The following MEIS1 variants were observed in gnomAD, a reference collection of about 807,000 sequenced individuals.
The protein encoded by MEIS1 is homeobox protein Meis1.
Under a neutral mutation model 50.8 loss-of-function variants are expected in MEIS1, and 5 were observed. The observed-to-expected ratio is 0.10, with a 90% CI of 0.05 to 0.21. MEIS1 has a LOEUF of 0.21. MEIS1 is among the 10% of genes least tolerant of loss of function. The pLI is 1.00. For missense variants in MEIS1, 318 were observed against 517.3 expected (o/e 0.61, Z 3.74); for synonymous variants, 176 against 179.3 (o/e 0.98, Z 0.15).
intron 7 of MEIS1, among the ~76,000 whole-genome samples, chr2:66,472,044 T>C (rs1464292111): frequency 6.6e-6 from 1 of 152,232 alleles, no homozygotes; most frequent in African/African-American, 2.4e-5. Flanking sequence ...CATTCTCTTA[T>C]CCTTTCTCAC....
chr2:66,549,950 G>A (rs1674879678), intron 9 of MEIS1, among the ~76,000 whole-genome samples: 1 of 152,098 alleles, frequency 6.6e-6, no homozygotes, highest in Non-Finnish European at 1.5e-5. Flanking sequence ...TATACACACA[G>A]TTTTCTAAAT....
chr2:66,520,836 C>T (rs1438714882), intron 8 of MEIS1, among the ~76,000 whole-genome samples: 3 of 152,164 alleles, frequency 2.0e-5, no homozygotes, highest in Non-Finnish European at 2.9e-5. Context: ...AGATCAAAAG[C>T]GAGGAACTGG....
At chr2:66,438,020 T>TTACCAAGGGCACAGAGAA in intron 2 of MEIS1, 57 bp downstream of exon 2, 1 of 1,412,958 alleles carries the variant, frequency 7.1e-7, no homozygotes, top group Non-Finnish European at 9.6e-7. Flanking sequence ...CCTCTTTCTC[T>TTACCAAGGGCACAGAGAA]GTGCCCTTGG....
chr2:66,456,444 C>CA (rs374018735), intron 6 of MEIS1, among the ~76,000 whole-genome samples: 4 of 152,256 alleles, frequency 2.6e-5, no homozygotes, highest in Non-Finnish European at 2.9e-5. Context: ...TAAAAGTTCA[C>CA]AATGGCAAAT....
chr2:66,442,940 T>C lies in MEIS1; in HGVS notation c.522T>C (p.Ile174=). Residue 174 remains isoleucine, a synonymous_variant, in exon 6 of 13, where the codon ATT becomes ATC. Transcript: ENST00000272369. ...ELCDNFCHRY[I]SCLKGKMPID... ...GTGACAATTTCTGCCACCGGTATAT[T>C]AGCTGTTTGAAAGGGAAAATGCCTA... 6.3e-7 allele frequency: 1 copy of C among 1,597,530 alleles called. No homozygotes were observed. Among genetic ancestry groups the C allele is most frequent in the Non-Finnish European group, 8.5e-7 (1 of 1,175,262 alleles).
intron 8 of MEIS1, among the ~76,000 whole-genome samples, chr2:66,517,286 A>G (rs1673993317): frequency 6.6e-6 from 1 of 152,152 alleles, no homozygotes; most frequent in South Asian, 2.1e-4. Context: ...CTTAATTGTC[A>G]TGTGCCTGAG....
At chr2:66,556,175 C>T (rs1675060156) in intron 9 of MEIS1, among the ~76,000 whole-genome samples, 1 of 152,038 alleles carries the variant, frequency 6.6e-6, no homozygotes, top group Non-Finnish European at 1.5e-5. Context: ...TTCATTCTTA[C>T]AACGCTCTTA....
intron 1 of MEIS1, 31 bp downstream of exon 1, chr2:66,435,899 A>G: frequency 6.5e-7 from 1 of 1,546,914 alleles, no homozygotes; most frequent in Non-Finnish European, 8.7e-7. Context: ...GTGGAACTCA[A>G]ATGTGAGATT....
intron 7 of MEIS1, among the ~76,000 whole-genome samples, chr2:66,495,626 C>T (rs767768145): frequency 2.6e-5 from 4 of 152,102 alleles, no homozygotes; most frequent in Admixed American, 6.6e-5. Flanking sequence ...TGAATGGCTG[C>T]GATCTGGGGC....
chr2:66,458,809 T>C (rs986926866), intron 6 of MEIS1, among the ~76,000 whole-genome samples: 9 of 152,184 alleles, frequency 5.9e-5, no homozygotes, highest in African/African-American at 2.2e-4. Flanking sequence ...TAAATTGTAC[T>C]ACTCTTTTTT....
chr2:66,529,532 G>C (rs900270107), intron 8 of MEIS1, among the ~76,000 whole-genome samples: 1 of 152,158 alleles, frequency 6.6e-6, no homozygotes, highest in Non-Finnish European at 1.5e-5. Flanking sequence ...CACCTCCCAG[G>C]TTAAAGCAAT....
At chr2:66,523,025 C>T (rs749805472) in intron 8 of MEIS1, among the ~76,000 whole-genome samples, 4 of 152,184 alleles carry the variant, frequency 2.6e-5, no homozygotes, top group Non-Finnish European at 5.9e-5. Flanking sequence ...AAGCATGTTA[C>T]ATATACCTCA....
At chr2:66,527,591 A>AGTGTGTGTGTGTGT (rs71409176) in intron 8 of MEIS1, among the ~76,000 whole-genome samples, 2 of 124,478 alleles carry the variant, frequency 1.6e-5, no homozygotes, top group Admixed American at 8.0e-5. Flanking sequence ...AGTAAAAGCA[A>AGTGTGTGTGTGTGT]GTGTGTGTGT....
intron 4 of MEIS1, 159 bp downstream of exon 4, chr2:66,440,771 G>A (rs1012223562): frequency 5.1e-6 from 3 of 585,146 alleles, no homozygotes; most frequent in Non-Finnish European, 9.2e-6. Flanking sequence ...ACTGGTCCGG[G>A]ACAAGATCCC....
chr2:66,571,467 A>G lies in MEIS1; in HGVS notation c.*259A>G. The G allele has an allele frequency of 1.3e-6, 2 of 1,599,080 alleles. No homozygotes were observed. Among genetic ancestry groups the G allele is most frequent in the East Asian group, 2.3e-5 (1 of 44,274 alleles). On this transcript the variant is annotated 3_prime_UTR_variant, in exon 13 of 13. Coordinates refer to ENST00000272369, the MANE Select transcript of MEIS1 (RefSeq NM_002398.3). ...AATGCCAATGTCAGCATCAAGCCCCACAGTTCTTAATACAGGAGACCCAAC... is the reference window on the plus strand; with the variant it reads ...AATGCCAATGTCAGCATCAAGCCCCGCAGTTCTTAATACAGGAGACCCAAC...
chr2:66,465,645 G>A (rs1454869890), intron 7 of MEIS1, among the ~76,000 whole-genome samples: 1 of 152,132 alleles, frequency 6.6e-6, no homozygotes, highest in East Asian at 1.9e-4. Context: ...CTAGTGTTTG[G>A]CTTGTTTCTT....
chr2:66,512,984 G>C (rs1673870694), intron 8 of MEIS1, among the ~76,000 whole-genome samples: 1 of 152,094 alleles, frequency 6.6e-6, no homozygotes, highest in African/African-American at 2.4e-5. Context: ...TGGAGATTTG[G>C]GGCTTTATGC....
rs10173713 is a variant in MEIS1 at position 66,436,765 on chromosome 2, C to T, written c.12+897C>T. ...CTTTCTTTGAAAATCATTTCACTCTCAGCGCCTCCAAATCTTGGGAAAATA... is the reference window on the plus strand; with the variant it reads ...CTTTCTTTGAAAATCATTTCACTCTTAGCGCCTCCAAATCTTGGGAAAATA... On this transcript the variant is annotated intron_variant, in intron 1 of 12. Transcript: ENST00000272369. 5.7e-3 allele frequency: 2,777 copies of T among 487,682 alleles called. 80 individuals carry two copies. Among genetic ancestry groups the T allele is most frequent in the African/African-American group, 0.054 (2,576 of 47,616 alleles). The allele number at this position is 487,682 out of a possible 1,614,324, so 30.2% of individuals were successfully genotyped here. A position where few individuals can be genotyped will look rare whatever the true frequency, so the allele number is the denominator to read the frequency against.
At chr2:66,524,575 T>A (rs1048470633) in intron 8 of MEIS1, among the ~76,000 whole-genome samples, 2 of 151,004 alleles carry the variant, frequency 1.3e-5, no homozygotes, top group Non-Finnish European at 3.0e-5. Flanking sequence ...AATAAATAAA[T>A]AAAATTTAAA....
Sources: gnomAD v4.1 joint callset for allele counts (sites outside exome capture counted in the v4.1 genomes callset) on GRCh38, gnomAD v4.1.1 for gene constraint, MANE v1.5 for transcripts, NCBI Gene and HGNC (gene_info 2026-07-23, HGNC 2026-07-21) for gene names.